Variants in SEMA5A observed in about 807,000 individuals in gnomAD.
SEMA5A encodes the protein semaphorin-5A.
A neutral mutation model predicts 135.5 loss-of-function variants in SEMA5A; 55 were observed. The ratio of observed to expected loss-of-function variants is 0.41; its 90% CI spans 0.33 to 0.51. The LOEUF (loss-of-function observed/expected upper bound fraction) is 0.51, where lower values mean the gene tolerates loss of function less well. Among genes scored for constraint, SEMA5A ranks in the 20% least tolerant of loss-of-function variants. SEMA5A has a pLI of 0.37. For missense variants in SEMA5A, 1,290 were observed against 1,419.9 expected, an observed-to-expected ratio of 0.91 and a Z score of 1.47; for synonymous variants, 580 against 546.5, an observed-to-expected ratio of 1.06 and a Z score of -0.85.
chr5:9,158,210 T>C (rs1743060266), intron 11 of SEMA5A, among the ~76,000 whole-genome samples: 1 of 152,200 alleles, frequency 6.6e-6, no homozygotes, highest in Non-Finnish European at 1.5e-5. Context: ...ATTTTTCCCA[T>C]TATAATCTCT....
At chr5:9,501,964 T>G (rs1415141677) in intron 1 of SEMA5A, among the ~76,000 whole-genome samples, 2 of 152,224 alleles carry the variant, frequency 1.3e-5, no homozygotes, top group African/African-American at 4.8e-5. Context: ...CTGTAATTAC[T>G]AAGCATAAGA....
rs189026946 is a variant in SEMA5A at position 9,151,736 on chromosome 5, C to T, written c.1481+2752G>A. On this transcript the variant is annotated intron_variant, in intron 12 of 22. Transcript: ENST00000382496. ...CTAAAGGACCAGGCAAAAACTAACC[C>T]CCTCTGAGGAAGGGCACACAGAAGA... 1.1e-4 allele frequency among the ~76,000 whole-genome samples: 17 copies of T among 152,242 alleles called. No individual in the cohort carries two copies. In the East Asian group the frequency reaches 3.3e-3, roughly 29 times the overall value.
intron 12 of SEMA5A, among the ~76,000 whole-genome samples, chr5:9,151,483 T>C (rs1049362926): frequency 6.6e-6 from 1 of 152,210 alleles, no homozygotes; most frequent in African/African-American, 2.4e-5. Flanking sequence ...TAAGCATCTT[T>C]CTGAAAGATT....
At chr5:9,051,472 A>AAGAT (rs1736571018) in intron 20 of SEMA5A, among the ~76,000 whole-genome samples, 1 of 152,222 alleles carries the variant, frequency 6.6e-6, no homozygotes, top group Non-Finnish European at 1.5e-5. Context: ...AAGTATATTA[A>AAGAT]AGATAGCATA....
At chr5:9,291,736 C>A (rs1751090912) in intron 5 of SEMA5A, among the ~76,000 whole-genome samples, 1 of 150,522 alleles carries the variant, frequency 6.6e-6, no homozygotes, top group South Asian at 2.1e-4. Context: ...CCAACACAAT[C>A]ATAAACAAAC....
intron 5 of SEMA5A, among the ~76,000 whole-genome samples, chr5:9,266,793 C>T (rs1243596088): frequency 6.6e-6 from 1 of 152,190 alleles, no homozygotes; most frequent in Non-Finnish European, 1.5e-5. Context: ...TACTGAACCC[C>T]AAGTTCAGAC....
rs1252362288 is a variant in SEMA5A, at chr5:9,202,116, A to G, written c.771T>C (p.Asp257=). ...CTTCCAGCAGGAAGCGCCCACCAAT[A>G]TCGTTCTTGCACACCCGGGCAGCTC... The part of the protein sequence containing the change: ...FSRAARVCKN[D]IGGRFLLEDT... The change falls in exon 9 of 23, where the codon GAT becomes GAC. Residue 257 remains aspartate (D), a synonymous_variant. Coordinates refer to ENST00000382496, the MANE Select transcript of SEMA5A (RefSeq NM_003966.3). 3 of 1,614,184 alleles carry G rather than the reference A, an allele frequency of 1.9e-6. No homozygotes were observed. Among genetic ancestry groups the G allele is most frequent in the East Asian group, 2.2e-5 (1 of 44,878 alleles).
At chr5:9,506,819 T>C (rs968819043) in intron 1 of SEMA5A, among the ~76,000 whole-genome samples, 1 of 152,218 alleles carries the variant, frequency 6.6e-6, no homozygotes, top group Non-Finnish European at 1.5e-5. Context: ...CATGCTGAAA[T>C]CATGCCTCCC....
In SEMA5A at chr5:9,096,969, C is replaced by T. The variant is rs531987640; in HGVS notation, c.2073+11171G>A. ...GACTTTTCATCATAGAGAGGAAAAA[C>T]GAGTAACTATGAGAGAAGGTGGATA... On this transcript the variant is annotated intron_variant, in intron 16 of 22. Transcript: ENST00000382496. Among the ~76,000 whole-genome samples the T allele has an allele frequency of 3.9e-4, 60 of 152,036 alleles. 1 individual carries two copies. The highest frequency in any genetic ancestry group is 1.1e-3 in the African/African-American group (45 of 41,454).
intron 3 of SEMA5A, among the ~76,000 whole-genome samples, chr5:9,357,810 C>T (rs569692698): frequency 2.4e-4 from 36 of 152,308 alleles, no homozygotes; most frequent in Admixed American, 5.2e-4. Context: ...TCTTTCACAT[C>T]TGAAGATATA....
At chr5:9,227,620 G>A (rs1049331616) in intron 6 of SEMA5A, among the ~76,000 whole-genome samples, 4 of 143,634 alleles carry the variant, frequency 2.8e-5, no homozygotes, top group South Asian at 2.2e-4. Context: ...GTGCAAATTC[G>A]GCTCACTGCA....
At chr5:9,254,529 C>T (rs992871755) in intron 5 of SEMA5A, among the ~76,000 whole-genome samples, 4 of 152,064 alleles carry the variant, frequency 2.6e-5, no homozygotes, top group Non-Finnish European at 4.4e-5. Context: ...TGGCTGAATG[C>T]CACAAGGAAT....
chr5:9,216,858 T>C (rs1306980523), intron 8 of SEMA5A, among the ~76,000 whole-genome samples: 1 of 152,360 alleles, frequency 6.6e-6, no homozygotes, highest in East Asian at 1.9e-4. Flanking sequence ...CCCTTTATTT[T>C]GAGCCTATGG....
At chr5:9,088,533 A>G (rs921204523) in intron 16 of SEMA5A, among the ~76,000 whole-genome samples, 2 of 150,014 alleles carry the variant, frequency 1.3e-5, no homozygotes, top group East Asian at 3.9e-4. Flanking sequence ...AATCATATTC[A>G]GATAGTACAT....
intron 5 of SEMA5A, among the ~76,000 whole-genome samples, chr5:9,305,708 G>GTGTGTATATATATATATATATA (rs1554017498): frequency 7.2e-6 from 1 of 139,250 alleles, no homozygotes; most frequent in Admixed American, 7.1e-5. Flanking sequence ...GTGTGTGTGC[G>GTGTGTATATATATATATATATA]TATATATATA....
At chr5:9,300,888 T>C (rs1344387054) in intron 5 of SEMA5A, among the ~76,000 whole-genome samples, 1 of 152,200 alleles carries the variant, frequency 6.6e-6, no homozygotes, top group African/African-American at 2.4e-5. Context: ...CTTTCTCCCC[T>C]AGAGTCTTCA....
At chr5:9,212,807 C>T (rs915170380) in intron 8 of SEMA5A, among the ~76,000 whole-genome samples, 1 of 152,196 alleles carries the variant, frequency 6.6e-6, no homozygotes, top group African/African-American at 2.4e-5. Context: ...AAGCAGGCTT[C>T]CACAGAGCCC....
intron 2 of SEMA5A, among the ~76,000 whole-genome samples, chr5:9,401,938 G>A (rs188691820): frequency 1.3e-5 from 2 of 152,240 alleles, no homozygotes; most frequent in Non-Finnish European, 2.9e-5. Flanking sequence ...AGTCGAATAA[G>A]GCCCCGTGTA....
intron 9 of SEMA5A, 60 bp from the exon 10 acceptor site, chr5:9,197,363 C>T: frequency 2.5e-6 from 4 of 1,578,578 alleles, no homozygotes; most frequent in Admixed American, 1.7e-5. Context: ...TGCTGACCTC[C>T]CCCTATGGAC....
Sources: gnomAD v4.1 joint callset for allele counts (sites outside exome capture counted in the v4.1 genomes callset) on GRCh38, gnomAD v4.1.1 for gene constraint, MANE v1.5 for transcripts, NCBI Gene and HGNC (gene_info 2026-07-23, HGNC 2026-07-21) for gene names.